Variants in TUBGCP2 observed in about 807,000 individuals in gnomAD.
TUBGCP2 encodes the protein tubulin gamma complex component 2, also known as gamma-tubulin complex component 2.
Under a neutral mutation model 92.2 loss-of-function variants are expected in TUBGCP2, and 55 were observed. That is an observed-to-expected ratio of 0.60 (90% CI 0.48 to 0.75). The LOEUF (loss-of-function observed/expected upper bound fraction) is 0.75. Among genes scored for constraint, TUBGCP2 ranks in the 30% least tolerant of loss-of-function variants. The pLI is 0.00. For missense variants in TUBGCP2, 1,093 were observed against 1,188.9 expected (o/e 0.92, Z 1.19); for synonymous variants, 533 against 505.2 (o/e 1.06, Z -0.74).
chr10:133,309,264 C>CG, upstream of TUBGCP2: 1 of 1,027,918 alleles, frequency 9.7e-7, no homozygotes. Context: ...GTGGAGTGGG[C>CG]GGGGCCTGAG....
At chr10:133,309,552 C>T, upstream of TUBGCP2, 2 of 1,441,342 alleles carry the variant, frequency 1.4e-6, no homozygotes, top group Non-Finnish European at 1.9e-6. Flanking sequence ...TGCCGCTCTT[C>T]CATGTGCGGC....
intron 11 of TUBGCP2, among the ~76,000 whole-genome samples, chr10:133,286,911 T>C (rs907540964): frequency 2.6e-5 from 4 of 151,886 alleles, no homozygotes; most frequent in African/African-American, 7.3e-5. Context: ...ACTTTTCAAA[T>C]TAAGAAACTA....
chr10:133,287,784 A>G lies in TUBGCP2; in HGVS notation c.1722+345T>C, dbSNP rs1276011273. Among the ~76,000 whole-genome samples the G allele has an allele frequency of 2.0e-5, 3 of 152,194 alleles. No homozygotes were observed. In the East Asian group the frequency reaches 5.8e-4, roughly 29 times the overall value. ...ACAACGACAACAAAAAGGCAAAAAC[A>G]AAAAGAATTAACACCACTCCTGAAA... On this transcript the variant is annotated intron_variant, in intron 11 of 17. Coordinates refer to ENST00000252936, the MANE Select transcript of TUBGCP2 (RefSeq NM_006659.4).
At chr10:133,302,732 C>T in intron 2 of TUBGCP2, 60 bp downstream of exon 2, 1 of 1,600,512 alleles carries the variant, frequency 6.2e-7, no homozygotes, top group Non-Finnish European at 8.5e-7. Flanking sequence ...TCACCCTGCA[C>T]CACCCTGACC....
upstream of TUBGCP2, chr10:133,309,048 C>G (rs1847915269): frequency 7.8e-7 from 1 of 1,278,152 alleles, no homozygotes; most frequent in Non-Finnish European, 9.9e-7. Context: ...CGCCCTTTCG[C>G]TTCGTTGCGC....
chr10:133,311,875 C>T (rs1847997280), upstream of TUBGCP2: 5 of 1,613,270 alleles, frequency 3.1e-6, no homozygotes, highest in Non-Finnish European at 4.2e-6. Flanking sequence ...AACCCGTTCT[C>T]AACATGTGTT....
upstream of TUBGCP2, chr10:133,310,344 C>T: frequency 6.2e-7 from 1 of 1,607,244 alleles, no homozygotes; most frequent in Non-Finnish European, 8.5e-7. Context: ...AAAAGGTTTC[C>T]AACTAGCCGG....
At chr10:133,286,525 C>T (rs1847137180) in intron 11 of TUBGCP2, among the ~76,000 whole-genome samples, 1 of 152,202 alleles carries the variant, frequency 6.6e-6, no homozygotes, top group African/African-American at 2.4e-5. Context: ...AAGACACGGC[C>T]TCAACCCACC....
upstream of TUBGCP2, among the ~76,000 whole-genome samples, chr10:133,310,904 C>T (rs867732885): frequency 6.6e-6 from 1 of 151,964 alleles, no homozygotes; most frequent in South Asian, 2.1e-4. Context: ...CAGGCTCAAG[C>T]GATTCTCCCA....
intron 1 of TUBGCP2, among the ~76,000 whole-genome samples, chr10:133,305,341 G>A (rs1164971564): frequency 6.6e-6 from 1 of 152,178 alleles, no homozygotes; most frequent in Non-Finnish European, 1.5e-5. Flanking sequence ...ATGTCTGGTG[G>A]ACACATGACA....
chr10:133,305,323 AG>A (rs1339720966), intron 1 of TUBGCP2, among the ~76,000 whole-genome samples: 3 of 152,228 alleles, frequency 2.0e-5, no homozygotes, highest in Non-Finnish European at 4.4e-5. Flanking sequence ...GTAACAGGGA[AG>A]GGCCCCATGT....
At position 133,285,014 on chromosome 10, in the gene TUBGCP2, C is replaced by A; in HGVS notation, c.2024+71G>T. 6.6e-7 allele frequency: 1 copy of A among 1,525,752 alleles called. No homozygotes were observed. Among genetic ancestry groups the A allele is most frequent in the Non-Finnish European group, 8.8e-7 (1 of 1,136,554 alleles). The allele number at this position is 1,525,752 out of a possible 1,614,324, so 94.5% of individuals were successfully genotyped here. A position where few individuals can be genotyped will look rare whatever the true frequency, so the allele number is the denominator to read the frequency against. On this transcript the variant is annotated intron_variant, in intron 13 of 17. Coordinates refer to ENST00000252936, the MANE Select transcript of TUBGCP2 (RefSeq NM_006659.4). The surrounding 1 kb of genome is among the most constrained non-coding windows in gnomAD (Gnocchi z 6.8). Reference sequence around the variant, plus strand: ...GTCTACCAGGAGGGCACAAGGGGGGCGCTGCACCACTGGGCAGAGTGCAGC... The same window carrying A: ...GTCTACCAGGAGGGCACAAGGGGGGAGCTGCACCACTGGGCAGAGTGCAGC...
rs934733477 is a variant in TUBGCP2, at chr10:133,285,011, G to A, written c.2024+74C>T. On this transcript the variant is annotated intron_variant, in intron 13 of 17. Coordinates refer to ENST00000252936, the MANE Select transcript of TUBGCP2 (RefSeq NM_006659.4). The surrounding 1 kb of genome is among the most constrained non-coding windows in gnomAD (Gnocchi z 6.8). ...GCTGTCTACCAGGAGGGCACAAGGG[G>A]GGCGCTGCACCACTGGGCAGAGTGC... 21 of 1,517,464 alleles carry A rather than the reference G, an allele frequency of 1.4e-5. No homozygotes were observed. The highest frequency in any genetic ancestry group is 1.9e-5 in the Non-Finnish European group (21 of 1,133,878). The allele number at this position is 1,517,464 out of a possible 1,614,324, so 94.0% of individuals were successfully genotyped here. A position where few individuals can be genotyped will look rare whatever the true frequency, so the allele number is the denominator to read the frequency against.
At chr10:133,305,749 T>A (rs1297483925) in intron 1 of TUBGCP2, among the ~76,000 whole-genome samples, 6 of 152,056 alleles carry the variant, frequency 3.9e-5, no homozygotes, top group Admixed American at 3.9e-4. Context: ...AGGCAGGGTA[T>A]CTCCGAAAAT....
At chr10:133,282,104 A>C in intron 16 of TUBGCP2, 119 bp downstream of exon 16, 1 of 1,479,008 alleles carries the variant, frequency 6.8e-7, no homozygotes, top group Non-Finnish European at 9.1e-7. Flanking sequence ...TCTTTTCTTC[A>C]ATCTGAGGGG....
At position 133,285,208 on chromosome 10, in the gene TUBGCP2, G is replaced by T; in HGVS notation, c.1901C>A (p.Ala634Asp). The T allele has an allele frequency of 6.2e-7, 1 of 1,612,302 alleles. No individual in the cohort carries two copies. Residue 634 changes from alanine (A) to aspartate (D), a missense_variant, in exon 13 of 18, where the codon GCC becomes GAC. Around this residue, in one of 3 missense-constraint regions of TUBGCP2, gnomAD observed 598 missense variants for 675.5 expected, o/e 0.89. Transcript: ENST00000252936. The surrounding 1 kb of genome is among the most constrained non-coding windows in gnomAD (Gnocchi z 6.8). ...GAAGAGCATCTGGTAGCGAGTGAGG[G>T]CTTTCCTGCAAGAGACGTGGCGGCA... ...WPLSLIINRK[A>D]LTRYQMLFRH... is the part of the protein sequence containing the mutation.
intron 1 of TUBGCP2, among the ~76,000 whole-genome samples, chr10:133,306,893 G>A (rs1285700873): frequency 1.3e-5 from 2 of 152,320 alleles, no homozygotes; most frequent in Non-Finnish European, 1.5e-5. Flanking sequence ...ATCCCATGAG[G>A]AGCCTGCTGC....
chr10:133,280,073 G>A (rs1846929010), intron 17 of TUBGCP2, among the ~76,000 whole-genome samples, 172 bp from the exon 18 acceptor site: 1 of 152,198 alleles, frequency 6.6e-6, no homozygotes, highest in Non-Finnish European at 1.5e-5. Context: ...CCTTCTGCGG[G>A]TCCGTCCTGA....
intron 13 of TUBGCP2, 99 bp from the exon 14 acceptor site, chr10:133,284,101 C>T (rs952264148): frequency 6.5e-7 from 1 of 1,531,896 alleles, no homozygotes; most frequent in South Asian, 1.3e-5. Context: ...GGAGGACGTT[C>T]TCTGGACGTG....
Sources: gnomAD v4.1 joint callset for allele counts (sites outside exome capture counted in the v4.1 genomes callset) on GRCh38, gnomAD v4.1.1 for gene constraint, gnomAD v4.1.1 regional missense constraint, Gnocchi (gnomAD v3.1) non-coding constraint, MANE v1.5 for transcripts, NCBI Gene and HGNC (gene_info 2026-07-23, HGNC 2026-07-21) for gene names.